INSR: variants seen among roughly 807,000 people sequenced by gnomAD.
INSR encodes insulin receptor.
A neutral mutation model predicts 142.6 loss-of-function variants in INSR; 67 were observed. That is an observed-to-expected ratio of 0.47 (90% CI 0.39 to 0.58). INSR has a LOEUF of 0.58. Ranked by LOEUF, INSR falls within the 20% of genes least tolerant of loss-of-function variation. The pLI is 0.00. For synonymous variants in INSR, 756 were observed against 743.1 expected (o/e 1.02, Z -0.28); for missense variants, 1,248 against 1,833.2 (o/e 0.68, Z 5.83).
At position 7,216,152 on chromosome 19, in the gene INSR, G is replaced by A. The variant is rs1250529107; in HGVS notation, c.653-31515C>T. Among the ~76,000 whole-genome samples, 3 of 151,878 alleles carry A rather than the reference G, an allele frequency of 2.0e-5. No individual in the cohort carries two copies. The highest frequency in any genetic ancestry group is 6.6e-5 in the Admixed American group (1 of 15,238). On this transcript the variant is annotated intron_variant, in intron 2 of 21. Coordinates refer to ENST00000302850, the MANE Select transcript of INSR (RefSeq NM_000208.4). The surrounding 1 kb of genome is among the most constrained non-coding windows in gnomAD (Gnocchi z 4.2). The stretch of plus-strand genomic sequence containing the variant: ...AGCCTGACCAACATGGTGAAACCCC[G>A]TCTCTACTAAAAGTACAAAAAATTA...
chr19:7,288,007 T>C (rs1381125091), intron 1 of INSR, among the ~76,000 whole-genome samples: 1 of 152,160 alleles, frequency 6.6e-6, no homozygotes, highest in Admixed American at 6.6e-5. Context: ...ACCGTGGGAT[T>C]TGGCCTGAGG....
chr19:7,207,944 A>AGGAAGGAAGGAAGGGAGGGAAGGAG, intron 2 of INSR, among the ~76,000 whole-genome samples: 1 of 46,380 alleles, frequency 2.2e-5, no homozygotes, highest in Non-Finnish European at 5.2e-5. Flanking sequence ...AAGGAAGGGA[A>AGGAAGGAAGGAAGGGAGGGAAGGAG]GGAGGGAGGG....
Position 7,233,395 on chromosome 19 carries a change from G to T in INSR, c.652+33950C>A, listed in dbSNP as rs139979867. Among the ~76,000 whole-genome samples the T allele has an allele frequency of 1.3e-3, 201 of 152,306 alleles. 1 individual carries two copies. The highest frequency in any genetic ancestry group is 4.2e-3 in the African/African-American group (176 of 41,560). ...CACGGCTACTAACAGGTTAAGCCTG[G>T]TTCCAAACCATCGTACTATGCTGTG... On this transcript the variant is annotated intron_variant, in intron 2 of 21. Transcript: ENST00000302850.
chr19:7,128,623 C>T (rs1415101425), intron 15 of INSR, among the ~76,000 whole-genome samples: 1 of 139,764 alleles, frequency 7.2e-6, no homozygotes, highest in Non-Finnish European at 1.6e-5. Context: ...AAGGTTTGGG[C>T]AAAAAAAAAA....
At chr19:7,207,996 C>T (rs111668375) in intron 2 of INSR, among the ~76,000 whole-genome samples, 81 of 151,628 alleles carry the variant, frequency 5.3e-4, no homozygotes, top group Non-Finnish European at 9.6e-4. Context: ...TTACAAGGAG[C>T]TTGGCCTTGG....
chr19:7,175,832 T>G (rs1159531729), intron 3 of INSR, among the ~76,000 whole-genome samples: 2 of 136,808 alleles, frequency 1.5e-5, no homozygotes, highest in Non-Finnish European at 3.1e-5. Context: ...AGACTCCATC[T>G]CAAAAAAAAA....
rs1314894176 is a variant in INSR at position 7,119,129 on chromosome 19, G to T, written c.3794+320C>A. Among the ~76,000 whole-genome samples the T allele has an allele frequency of 2.6e-5, 4 of 152,272 alleles. No homozygotes were observed. Among genetic ancestry groups the T allele is most frequent in the African/African-American group, 9.6e-5 (4 of 41,550 alleles). On this transcript the variant is annotated intron_variant, in intron 21 of 21. Transcript: ENST00000302850. This position sits in a 1 kb window ranked among gnomAD's most constrained non-coding sequence, Gnocchi z 5.2. Reference sequence around the variant, plus strand: ...ACATGTGTGCTTATAATATGTAAATGAGGTGTACATGTGCCATGATATGCT... The same window carrying T: ...ACATGTGTGCTTATAATATGTAAATTAGGTGTACATGTGCCATGATATGCT...
chr19:7,268,002 C>G, intron 1 of INSR, 106 bp from the exon 2 acceptor site: 1 of 981,930 alleles, frequency 1.0e-6, no homozygotes, highest in Non-Finnish European at 1.6e-6. Flanking sequence ...AACCTGGGCC[C>G]TGTGTTTTCA....
chr19:7,260,172 C>G (rs536489660), intron 2 of INSR, among the ~76,000 whole-genome samples: 1 of 152,280 alleles, frequency 6.6e-6, no homozygotes, highest in South Asian at 2.1e-4. Context: ...AGGCACAATA[C>G]CACACTTTGA....
chr19:7,241,781 G>C (rs1411218684), intron 2 of INSR, among the ~76,000 whole-genome samples: 1 of 152,054 alleles, frequency 6.6e-6, no homozygotes, highest in Non-Finnish European at 1.5e-5. Flanking sequence ...TAATGTACAG[G>C]GCAGTCCCCA....
intron 1 of INSR, among the ~76,000 whole-genome samples, chr19:7,289,019 A>G (rs1442185332): frequency 6.6e-6 from 1 of 151,588 alleles, no homozygotes; most frequent in Non-Finnish European, 1.5e-5. Context: ...GGGAAGAGAG[A>G]GCCAACATCT....
chr19:7,263,995 T>A (rs375318443), intron 2 of INSR, among the ~76,000 whole-genome samples: 1 of 151,746 alleles, frequency 6.6e-6, no homozygotes, highest in Non-Finnish European at 1.5e-5. Context: ...CATGGAGAAA[T>A]CCCATCTCTA....
chr19:7,245,991 CA>C (rs900520015), intron 2 of INSR, among the ~76,000 whole-genome samples: 6 of 150,992 alleles, frequency 4.0e-5, no homozygotes, highest in African/African-American at 9.7e-5. Context: ...AATTCCTACT[CA>C]AAAAAAAATC....
chr19:7,263,596 T>A (rs1183995197), intron 2 of INSR, among the ~76,000 whole-genome samples: 1 of 152,204 alleles, frequency 6.6e-6, no homozygotes, highest in Non-Finnish European at 1.5e-5. Flanking sequence ...TTGTTTTCTT[T>A]TGTTTTTGAG....
chr19:7,147,808 C>T (rs544201703), intron 11 of INSR, among the ~76,000 whole-genome samples: 1 of 152,242 alleles, frequency 6.6e-6, no homozygotes, highest in East Asian at 1.9e-4. Context: ...AAATTGGTAT[C>T]TCAACAACCA....
intron 12 of INSR, among the ~76,000 whole-genome samples, chr19:7,142,318 A>C (rs1217559968): frequency 3.7e-5 from 5 of 136,800 alleles, no homozygotes; most frequent in Non-Finnish European, 7.6e-5. Context: ...TGAACCAGGG[A>C]GGCGGAGATT....
chr19:7,249,928 G>A (rs1488653478), intron 2 of INSR, among the ~76,000 whole-genome samples: 2 of 151,926 alleles, frequency 1.3e-5, no homozygotes, highest in South Asian at 2.1e-4. Context: ...AGAGGTGGAG[G>A]TTACAGACAG....
chr19:7,170,468 G>A (rs1386760055), intron 6 of INSR, 69 bp downstream of exon 6: 2 of 1,168,100 alleles, frequency 1.7e-6, no homozygotes, highest in Non-Finnish European at 2.6e-6. Flanking sequence ...CCCACCACCA[G>A]TCCATGGAAA....
Position 7,184,662 on chromosome 19 carries a change from GGAAATAAAT to G in INSR, c.653-34_653-26del, listed in dbSNP as rs749216892. 9,104 of 979,538 alleles carry G rather than the reference GGAAATAAAT, an allele frequency of 9.3e-3. 51 individuals are homozygous for G. Among genetic ancestry groups the G allele is most frequent in the Non-Finnish European group, 0.011 (7,653 of 712,578 alleles). The allele number at this position is 979,538 out of a possible 1,614,324, so 60.7% of individuals were successfully genotyped here. On this transcript the variant is annotated intron_variant, in intron 2 of 21. Transcript: ENST00000302850. Reference sequence around the variant, plus strand: ...ACTGGAGAGAGAGAGAGAGAGAGAGGGAAATAAATAAATAAATAAATAAATAAATAAATA... The same window carrying G: ...ACTGGAGAGAGAGAGAGAGAGAGAGGAAATAAATAAATAAATAAATAAATA...
Sources: gnomAD v4.1 joint callset for allele counts (sites outside exome capture counted in the v4.1 genomes callset) on GRCh38, gnomAD v4.1.1 for gene constraint, Gnocchi (gnomAD v3.1) non-coding constraint, MANE v1.5 for transcripts, NCBI Gene and HGNC (gene_info 2026-07-23, HGNC 2026-07-21) for gene names.